CDIN1: variants seen among roughly 807,000 people sequenced by gnomAD.
The protein encoded by CDIN1 is CDAN1 interacting nuclease 1.
A neutral mutation model predicts 45.3 loss-of-function variants in CDIN1; 33 were observed. The ratio of observed to expected loss-of-function variants is 0.73; its 90% CI spans 0.55 to 0.97. The LOEUF is 0.97. CDIN1 is among the 50% of genes least tolerant of loss of function. The pLI is 0.00. For synonymous variants in CDIN1, 118 were observed against 124.4 expected, an observed-to-expected ratio of 0.95 and a Z score of 0.34; for missense variants, 303 against 339.4, an observed-to-expected ratio of 0.89 and a Z score of 0.84.
intron 10 of CDIN1, among the ~76,000 whole-genome samples, chr15:36,792,323 A>T (rs2054665572): frequency 6.6e-6 from 1 of 152,064 alleles, no homozygotes; most frequent in African/African-American, 2.4e-5. Flanking sequence ...ATCAGAAGGG[A>T]ACTCACTCCT....
At chr15:36,742,303 G>A (rs2044266487) in intron 10 of CDIN1, among the ~76,000 whole-genome samples, 1 of 152,108 alleles carries the variant, frequency 6.6e-6, no homozygotes, top group African/African-American at 2.4e-5. Flanking sequence ...TGTAAAATGA[G>A]ATACGAACCC....
At chr15:36,805,800 G>A (rs2055208260) in intron 10 of CDIN1, among the ~76,000 whole-genome samples, 1 of 152,154 alleles carries the variant, frequency 6.6e-6, no homozygotes, top group African/African-American at 2.4e-5. Flanking sequence ...ATGCACTAAA[G>A]TAGGTGCTGG....
chr15:36,718,957 C>T (rs1341024261), intron 10 of CDIN1, among the ~76,000 whole-genome samples: 3 of 151,528 alleles, frequency 2.0e-5, no homozygotes, highest in African/African-American at 7.3e-5. Flanking sequence ...GCACAAGTGA[C>T]TTAAGCCTGT....
chr15:36,618,511 T>C, intron 1 of CDIN1: 1 of 1,230,666 alleles, frequency 8.1e-7, no homozygotes, highest in Non-Finnish European at 1.2e-6. Flanking sequence ...AACACCAAAG[T>C]TTGACTTACT....
chr15:36,654,168 T>C lies in CDIN1; in HGVS notation c.273+10T>C, dbSNP rs1185862747. 6.4e-7 allele frequency: 1 copy of C among 1,559,784 alleles called. No individual in the cohort carries two copies. Among genetic ancestry groups the C allele is most frequent in the East Asian group, 2.4e-5 (1 of 42,316 alleles). ...GGACCTGGCCAATGAGGTAATGTTA[T>C]TGTTATGATTTTATTTAAACCTGCG... On this transcript the variant is annotated intron_variant, in intron 4 of 10. Transcript: ENST00000566621.
At chr15:36,582,850 A>G (rs2037111201) in intron 1 of CDIN1, among the ~76,000 whole-genome samples, 2 of 152,342 alleles carry the variant, frequency 1.3e-5, no homozygotes, top group Non-Finnish European at 1.5e-5. Context: ...TTAATCTTTA[A>G]TATGTTCGAT....
chr15:36,772,792 T>C (rs1283968734), intron 10 of CDIN1, among the ~76,000 whole-genome samples: 1 of 152,234 alleles, frequency 6.6e-6, no homozygotes, highest in Non-Finnish European at 1.5e-5. Context: ...TTGAGCTGTA[T>C]CTCCAAATTC....
At position 36,808,381 on chromosome 15, in the gene CDIN1, C is replaced by T; in HGVS notation, c.774C>T (p.Asn258=). The T allele has an allele frequency of 6.2e-7, 1 of 1,613,612 alleles. No individual in the cohort carries two copies. Among genetic ancestry groups the T allele is most frequent in the Non-Finnish European group, 8.5e-7 (1 of 1,179,650 alleles). Reference sequence around the variant, plus strand: ...GATTTATCCAGGAGCTGGACTGCAACCGGGAAAGGGGCATCCTGCTCAAAG... The same window carrying T: ...GATTTATCCAGGAGCTGGACTGCAATCGGGAAAGGGGCATCCTGCTCAAAG... ...WYGFIQELDC[N]RERGILLKAC... Residue 258 remains asparagine (N), a synonymous_variant, in exon 11 of 11, where the codon AAC becomes AAT. Coordinates refer to ENST00000566621, the MANE Select transcript of CDIN1 (RefSeq NM_001321759.2).
intron 10 of CDIN1, among the ~76,000 whole-genome samples, chr15:36,786,205 A>G (rs1415568765): frequency 6.6e-6 from 1 of 152,220 alleles, no homozygotes; most frequent in Non-Finnish European, 1.5e-5. Context: ...GGCTGAAAAT[A>G]TGTATTTTTA....
At chr15:36,644,138 A>T (rs1053713774) in intron 1 of CDIN1, 140 bp from the exon 2 acceptor site, 1 of 765,720 alleles carries the variant, frequency 1.3e-6, no homozygotes, top group Non-Finnish European at 2.1e-6. Context: ...TGAGGTGTTC[A>T]TCTGGAACAA....
intron 1 of CDIN1, among the ~76,000 whole-genome samples, chr15:36,610,421 C>T (rs557277051): frequency 1.3e-5 from 2 of 152,270 alleles, no homozygotes; most frequent in African/African-American, 4.8e-5. Context: ...ATTATCTAGA[C>T]GTAGTTGTGT....
At chr15:36,634,882 C>T (rs1440665837) in intron 1 of CDIN1, among the ~76,000 whole-genome samples, 1 of 152,190 alleles carries the variant, frequency 6.6e-6, no homozygotes, top group African/African-American at 2.4e-5. Flanking sequence ...ATCACTTCCT[C>T]TTTCATCTAT....
chr15:36,609,045 C>T (rs894740947), intron 1 of CDIN1, among the ~76,000 whole-genome samples: 3 of 152,178 alleles, frequency 2.0e-5, no homozygotes, highest in African/African-American at 7.2e-5. Flanking sequence ...GTCTTGGGCT[C>T]TGTCGCCTAG....
chr15:36,774,682 C>G (rs1165953370), intron 10 of CDIN1, among the ~76,000 whole-genome samples: 1 of 152,144 alleles, frequency 6.6e-6, no homozygotes, highest in Non-Finnish European at 1.5e-5. Context: ...TCTTACAAGT[C>G]AAACATATGA....
chr15:36,580,093 G>A, intron 1 of CDIN1, 132 bp downstream of exon 1: 1 of 749,466 alleles, frequency 1.3e-6, no homozygotes, highest in Non-Finnish European at 2.2e-6. Context: ...TTAGGAGGTC[G>A]AGGTTGGCGA....
intron 1 of CDIN1, among the ~76,000 whole-genome samples, chr15:36,607,704 T>C (rs1305375071): frequency 2.0e-5 from 3 of 152,214 alleles, no homozygotes; most frequent in Non-Finnish European, 2.9e-5. Flanking sequence ...TAACCTGTTA[T>C]GGATATGCAA....
intron 10 of CDIN1, among the ~76,000 whole-genome samples, chr15:36,792,443 T>G (rs1288214885): frequency 1.3e-5 from 2 of 152,148 alleles, no homozygotes; most frequent in African/African-American, 4.8e-5. Flanking sequence ...GCCCGCAGAC[T>G]TCTCAAAAAA....
At chr15:36,682,328 CA>C (rs1453759447) in intron 5 of CDIN1, among the ~76,000 whole-genome samples, 1 of 152,102 alleles carries the variant, frequency 6.6e-6, no homozygotes, top group Non-Finnish European at 1.5e-5. Flanking sequence ...AGCTCCAAGG[CA>C]GAAAGAATTC....
chr15:36,582,104 A>C (rs539896218), intron 1 of CDIN1, among the ~76,000 whole-genome samples: 2 of 152,334 alleles, frequency 1.3e-5, no homozygotes, highest in South Asian at 4.1e-4. Flanking sequence ...AAATTTTATC[A>C]TTGGCAACAA....
Sources: gnomAD v4.1 joint callset for allele counts (sites outside exome capture counted in the v4.1 genomes callset) on GRCh38, gnomAD v4.1.1 for gene constraint, MANE v1.5 for transcripts, NCBI Gene and HGNC (gene_info 2026-07-23, HGNC 2026-07-21) for gene names.